CEP85L: variants seen among roughly 807,000 people sequenced by gnomAD.
CEP85L encodes centrosomal protein 85L, also known as centrosomal protein of 85 kDa-like.
Under a neutral mutation model 100.3 loss-of-function variants are expected in CEP85L, and 60 were observed. The ratio of observed to expected loss-of-function variants is 0.60; its 90% CI spans 0.49 to 0.74. CEP85L has a LOEUF of 0.74. CEP85L is among the 30% of genes least tolerant of loss of function. The pLI, the probability that CEP85L is intolerant of heterozygous loss-of-function variation, is 0.00. For synonymous variants in CEP85L, 319 were observed against 322.7 expected (o/e 0.99, Z 0.12); for missense variants, 973 against 936.2 (o/e 1.04, Z -0.51).
Position 118,527,002 on chromosome 6 carries a change from C to CTTTTTTTTTT in CEP85L, c.1021-3092_1021-3083dup, listed in dbSNP as rs764883723. Among the ~76,000 whole-genome samples the CTTTTTTTTTT allele has an allele frequency of 2.9e-3, 287 of 98,702 alleles. 3 individuals carry two copies. Among genetic ancestry groups the CTTTTTTTTTT allele is most frequent in the Non-Finnish European group, 4.4e-3 (235 of 53,068 alleles). 64.8% of individuals were successfully genotyped at this position (98,702 alleles called of 152,430 possible). On this transcript the variant is annotated intron_variant, in intron 3 of 12. Coordinates refer to ENST00000368491, the MANE Select transcript of CEP85L (RefSeq NM_001042475.3). ...CCACTGTTTCATTCCTTTACTTTTT[C>CTTTTTTTTTT]TTTTTTTTTTTTTTTTTTTTTTTTT...
intron 11 of CEP85L, among the ~76,000 whole-genome samples, chr6:118,469,744 G>A (rs2114421787): frequency 6.6e-6 from 1 of 152,168 alleles, no homozygotes; most frequent in African/African-American, 2.4e-5. Context: ...TGGGACCACA[G>A]GTAAACACCA....
At chr6:118,558,980 T>C in intron 3 of CEP85L, 1 of 1,612,766 alleles carries the variant, frequency 6.2e-7, no homozygotes, top group Non-Finnish European at 8.5e-7. Flanking sequence ...ACCATTGAAA[T>C]GCCTCAACAA....
chr6:118,540,861 G>T lies in CEP85L; in HGVS notation c.1021-16941C>A, dbSNP rs1441058294. Among the ~76,000 whole-genome samples the T allele has an allele frequency of 2.0e-5, 3 of 152,240 alleles. No individual in the cohort carries two copies. The East Asian group carries it at 5.8e-4, about 29-fold the overall frequency. ...GACCTAGGGAAACTTCAACTAATCTGCACAACTAATTTTAGTTTGCTATTA... is the reference window on the plus strand; with the variant it reads ...GACCTAGGGAAACTTCAACTAATCTTCACAACTAATTTTAGTTTGCTATTA... On this transcript the variant is annotated intron_variant, in intron 3 of 12. Transcript: ENST00000368491.
In CEP85L at chr6:118,645,984, C is replaced by T. The variant is rs146564104; in HGVS notation, c.73+5213G>A. 7.8e-3 allele frequency among the ~76,000 whole-genome samples: 1,183 copies of T among 152,146 alleles called. 3 individuals are homozygous for T. Among genetic ancestry groups the T allele is most frequent in the Middle Eastern group, 0.014 (4 of 294 alleles). ...CCTTAATCCCAGCACTTTGGGAGGC[C>T]GAGGCTGGCAGATCACGAGGTCAGG... On this transcript the variant is annotated intron_variant, in intron 1 of 12. Transcript: ENST00000368491.
chr6:118,508,745 ATAAT>A (rs1775802525), intron 5 of CEP85L, among the ~76,000 whole-genome samples: 1 of 152,106 alleles, frequency 6.6e-6, no homozygotes. Context: ...ATTAATTTCA[ATAAT>A]TATTATTAAA....
Position 118,597,757 on chromosome 6 carries a change from C to T in CEP85L, c.233-31441G>A, listed in dbSNP as rs1256069375. Among the ~76,000 whole-genome samples the T allele has an allele frequency of 2.0e-5, 3 of 152,256 alleles. No homozygotes were observed. The East Asian group carries it at 5.8e-4, about 29-fold the overall frequency. On this transcript the variant is annotated intron_variant, in intron 2 of 12. Coordinates refer to ENST00000368491, the MANE Select transcript of CEP85L (RefSeq NM_001042475.3). The stretch of plus-strand genomic sequence containing the variant: ...TGAAAAAGATAACGACTATAGTCAT[C>T]TATTCAGTGGTGTTTTTCAGTTCTT...
At chr6:118,686,196 GTTT>G (rs11364398) in intron 1 of CEP85L, among the ~76,000 whole-genome samples, 2 of 149,196 alleles carry the variant, frequency 1.3e-5, no homozygotes, top group Non-Finnish European at 3.0e-5. Context: ...AGCAACACAT[GTTT>G]TTTTTTTTTT....
intron 3 of CEP85L, among the ~76,000 whole-genome samples, chr6:118,536,987 T>C (rs184232478): frequency 2.8e-4 from 42 of 152,298 alleles, no homozygotes; most frequent in Non-Finnish European, 5.4e-4. Context: ...ATGGCAGTTA[T>C]ATATTACTAG....
intron 1 of CEP85L, among the ~76,000 whole-genome samples, chr6:118,683,529 A>G (rs1776735168): frequency 6.6e-6 from 1 of 152,228 alleles, no homozygotes; most frequent in African/African-American, 2.4e-5. Context: ...CAACTCCAGC[A>G]GTAATGATGG....
intron 2 of CEP85L, among the ~76,000 whole-genome samples, chr6:118,603,125 T>C (rs1781868681): frequency 6.6e-6 from 1 of 152,102 alleles, no homozygotes; most frequent in Non-Finnish European, 1.5e-5. Context: ...AGGCCCCAGA[T>C]AAGACTTTTT....
chr6:118,659,949 G>C (rs12153828), intron 1 of CEP85L, among the ~76,000 whole-genome samples: 14,898 of 152,266 alleles, frequency 0.098, 865 homozygotes, highest in African/African-American at 0.14. Flanking sequence ...TTTTGATTTT[G>C]GGTGTTACCA....
chr6:118,659,080 A>G (rs778655274), intron 1 of CEP85L, among the ~76,000 whole-genome samples: 41 of 152,168 alleles, frequency 2.7e-4, no homozygotes, highest in Non-Finnish European at 1.6e-4. Flanking sequence ...AGAATAACCA[A>G]TCTCTACTTT....
chr6:118,563,558 A>AAAAT (rs1221537857), intron 3 of CEP85L, among the ~76,000 whole-genome samples: 1 of 152,170 alleles, frequency 6.6e-6, no homozygotes, highest in East Asian at 1.9e-4. Context: ...GGTCCTTATT[A>AAAAT]AGGTTCTTCT....
intron 1 of CEP85L, among the ~76,000 whole-genome samples, chr6:118,693,716 G>A (rs1351496501): frequency 3.3e-5 from 5 of 152,206 alleles, no homozygotes; most frequent in Non-Finnish European, 7.3e-5. Context: ...CGTTGCTGCT[G>A]CTGCCACTTA....
chr6:118,524,038 A>C, intron 3 of CEP85L, 118 bp from the exon 4 acceptor site: 1 of 445,676 alleles, frequency 2.2e-6, no homozygotes, highest in Non-Finnish European at 3.8e-6. Context: ...TTGATTTTTT[A>C]ATACTTTCGG....
At chr6:118,486,025 A>T (rs1286170625) in intron 6 of CEP85L, among the ~76,000 whole-genome samples, 1 of 152,156 alleles carries the variant, frequency 6.6e-6, no homozygotes, top group African/African-American at 2.4e-5. Flanking sequence ...CTTTGCTGTC[A>T]TGTCAAGCTT....
At chr6:118,696,592 G>A (rs1325147935) in intron 1 of CEP85L, among the ~76,000 whole-genome samples, 1 of 152,216 alleles carries the variant, frequency 6.6e-6, no homozygotes, top group African/African-American at 2.4e-5. Context: ...CCCGTTGAGT[G>A]AGCCCCAGGA....
At chr6:118,631,027 G>A (rs980279500) in intron 2 of CEP85L, among the ~76,000 whole-genome samples, 1 of 152,214 alleles carries the variant, frequency 6.6e-6, no homozygotes, top group African/African-American at 2.4e-5. Flanking sequence ...AGTTCCTGGT[G>A]CCAAAAAGGT....
intron 1 of CEP85L, among the ~76,000 whole-genome samples, chr6:118,689,147 A>T (rs1402436850): frequency 6.6e-6 from 1 of 152,160 alleles, no homozygotes; most frequent in East Asian, 1.9e-4. Flanking sequence ...CACTACACAC[A>T]ATCTGCAGCC....
Sources: gnomAD v4.1 joint callset for allele counts (sites outside exome capture counted in the v4.1 genomes callset) on GRCh38, gnomAD v4.1.1 for gene constraint, MANE v1.5 for transcripts, NCBI Gene and HGNC (gene_info 2026-07-23, HGNC 2026-07-21) for gene names.